CACNA2D1: variants seen among roughly 807,000 people sequenced by gnomAD.
The protein encoded by CACNA2D1 is calcium voltage-gated channel auxiliary subunit alpha2delta 1.
In CACNA2D1, 53 loss-of-function variants were observed where a neutral mutation model predicts 171.5. The observed-to-expected ratio is 0.31, with a 90% CI of 0.25 to 0.39. CACNA2D1 has a LOEUF of 0.39. CACNA2D1 is among the 10% of genes least tolerant of loss of function. The pLI, the probability that CACNA2D1 is intolerant of heterozygous loss-of-function variation, is 1.00. For synonymous variants in CACNA2D1, 442 were observed against 443.1 expected, an observed-to-expected ratio of 1.00 and a Z score of 0.03; for missense variants, 903 against 1,299.8, an observed-to-expected ratio of 0.69 and a Z score of 4.69.
chr7:82,225,061 G>A (rs1802208165), intron 3 of CACNA2D1, among the ~76,000 whole-genome samples: 1 of 152,030 alleles, frequency 6.6e-6, no homozygotes, highest in Non-Finnish European at 1.5e-5. Flanking sequence ...TTGTCCAAGT[G>A]ATCTTACTAC....
At chr7:82,258,816 TC>T (rs1806646033) in intron 3 of CACNA2D1, among the ~76,000 whole-genome samples, 1 of 121,256 alleles carries the variant, frequency 8.2e-6, no homozygotes, top group Non-Finnish European at 1.7e-5. Flanking sequence ...TTCTTACTTT[TC>T]TTTTTTTTTT....
chr7:82,108,317 A>G (rs558332432), intron 6 of CACNA2D1, among the ~76,000 whole-genome samples: 9 of 152,312 alleles, frequency 5.9e-5, no homozygotes, highest in African/African-American at 1.7e-4. Flanking sequence ...AAGTAGCTAT[A>G]AAGTATAGCT....
intron 3 of CACNA2D1, among the ~76,000 whole-genome samples, chr7:82,181,590 T>C (rs1797147143): frequency 6.6e-6 from 1 of 152,212 alleles, no homozygotes; most frequent in South Asian, 2.1e-4. Flanking sequence ...AGCACTGCTC[T>C]AAAAGAAAAC....
At chr7:82,159,137 C>A (rs1015080724) in intron 4 of CACNA2D1, among the ~76,000 whole-genome samples, 6 of 151,856 alleles carry the variant, frequency 4.0e-5, no homozygotes, top group African/African-American at 9.7e-5. Flanking sequence ...GTTGACATTG[C>A]CTATTTTGGC....
chr7:82,257,793 A>G (rs948580368), intron 3 of CACNA2D1, among the ~76,000 whole-genome samples: 2 of 152,228 alleles, frequency 1.3e-5, no homozygotes, highest in African/African-American at 4.8e-5. Context: ...CTCTGATAAA[A>G]GCTTGGCTGT....
At position 81,977,898 on chromosome 7, in the gene CACNA2D1, C is replaced by A. The variant is rs577442833; in HGVS notation, c.1956-3346G>T. Among the ~76,000 whole-genome samples the A allele has an allele frequency of 4.6e-5, 7 of 151,974 alleles. No homozygotes were observed. In the South Asian group the frequency reaches 1.5e-3, roughly 32 times the overall value. ...AGAACTTAAATTTCCAAGAAAAAAA[C>A]AAACAACTCTATCAAAAAGTGGGCA... On this transcript the variant is annotated intron_variant, in intron 24 of 38. Transcript: ENST00000356860.
At chr7:82,099,395 A>G (rs1040413552) in intron 6 of CACNA2D1, among the ~76,000 whole-genome samples, 6 of 146,140 alleles carry the variant, frequency 4.1e-5, no homozygotes, top group African/African-American at 1.0e-4. Context: ...TTAAAATTAC[A>G]TACTCTAAAA....
At chr7:82,082,554 G>A (rs536301257) in intron 7 of CACNA2D1, among the ~76,000 whole-genome samples, 6 of 151,638 alleles carry the variant, frequency 4.0e-5, no homozygotes, top group South Asian at 2.1e-4. Context: ...GAAAGGGTAC[G>A]TATATGTAAA....
At position 81,950,160 on chromosome 7, in the gene CACNA2D1, G is replaced by A. The variant is rs1022583971; in HGVS notation, c.*232C>T. The A allele has an allele frequency of 1.6e-6, 1 of 638,728 alleles. No homozygotes were observed. The highest frequency in any genetic ancestry group is 2.9e-5 in the East Asian group (1 of 34,826). 39.6% of individuals were successfully genotyped at this position (638,728 alleles called of 1,614,324 possible). Reference sequence around the variant, plus strand: ...CAATAGAGGACACGTATAGGATTTTGCTTTGATGTTACACATAGATGATGC... The same window carrying A: ...CAATAGAGGACACGTATAGGATTTTACTTTGATGTTACACATAGATGATGC... On this transcript the variant is annotated 3_prime_UTR_variant, in exon 39 of 39. Transcript: ENST00000356860.
intron 3 of CACNA2D1, among the ~76,000 whole-genome samples, chr7:82,172,144 T>C (rs1434662877): frequency 6.6e-6 from 1 of 152,028 alleles, no homozygotes; most frequent in East Asian, 1.9e-4. Context: ...TTTTCACTAC[T>C]AGGTAGAAAT....
At chr7:82,355,652 A>G (rs1285486915) in intron 1 of CACNA2D1, among the ~76,000 whole-genome samples, 1 of 152,034 alleles carries the variant, frequency 6.6e-6, no homozygotes, top group Non-Finnish European at 1.5e-5. Flanking sequence ...CCGTGCTCCT[A>G]TGGCTCCTAT....
intron 3 of CACNA2D1, among the ~76,000 whole-genome samples, chr7:82,222,849 A>G (rs1040289424): frequency 1.3e-5 from 2 of 150,568 alleles, no homozygotes; most frequent in Admixed American, 1.3e-4. Flanking sequence ...AATCAAAATT[A>G]GTTTTTTTTC....
At chr7:82,376,518 AG>A (rs1169323011) in intron 1 of CACNA2D1, among the ~76,000 whole-genome samples, 3 of 152,250 alleles carry the variant, frequency 2.0e-5, no homozygotes, top group Non-Finnish European at 2.9e-5. Context: ...CCAAAACAGC[AG>A]GCATCTTATT....
chr7:82,102,799 T>C (rs1812840655), intron 6 of CACNA2D1, among the ~76,000 whole-genome samples: 1 of 152,234 alleles, frequency 6.6e-6, no homozygotes, highest in South Asian at 2.1e-4. Flanking sequence ...AACCACATAT[T>C]ACCACCCTGC....
At chr7:82,430,317 C>G in intron 1 of CACNA2D1, among the ~76,000 whole-genome samples, 1 of 150,620 alleles carries the variant, frequency 6.6e-6, no homozygotes, top group Non-Finnish European at 1.5e-5. Flanking sequence ...ACTCAGGAGG[C>G]TGAGGCAGGA....
intron 18 of CACNA2D1, among the ~76,000 whole-genome samples, chr7:82,000,685 C>T (rs1031503329): frequency 2.0e-5 from 3 of 151,040 alleles, no homozygotes; most frequent in Non-Finnish European, 4.4e-5. Context: ...GCAACCTCTG[C>T]CTACTGGGTC....
chr7:82,184,491 T>A (rs916576308), intron 3 of CACNA2D1, among the ~76,000 whole-genome samples: 1 of 152,092 alleles, frequency 6.6e-6, no homozygotes, highest in Non-Finnish European at 1.5e-5. Flanking sequence ...AATACTATTA[T>A]TATTTCTCTT....
At chr7:82,369,487 T>C (rs1822125247) in intron 1 of CACNA2D1, among the ~76,000 whole-genome samples, 1 of 151,916 alleles carries the variant, frequency 6.6e-6, no homozygotes. Flanking sequence ...TAGTTTGCAG[T>C]AGCATCAACA....
At chr7:82,052,020 T>C (rs1052919400) in intron 10 of CACNA2D1, among the ~76,000 whole-genome samples, 1 of 152,226 alleles carries the variant, frequency 6.6e-6, no homozygotes, top group Non-Finnish European at 1.5e-5. Flanking sequence ...GAAAAATTAC[T>C]GTTATTTTTA....
Sources: allele counts gnomAD v4.1 joint callset (sites outside exome capture counted in the v4.1 genomes callset), GRCh38; gene constraint gnomAD v4.1.1; transcripts MANE v1.5; gene names NCBI Gene and HGNC (gene_info 2026-07-23, HGNC 2026-07-21).